Variants in DMD observed in about 807,000 individuals in gnomAD.
DMD encodes dystrophin.
In DMD, 63 loss-of-function variants were observed where a neutral mutation model predicts 330.1. The ratio of observed to expected loss-of-function variants is 0.19; its 90% CI spans 0.16 to 0.24. The LOEUF (loss-of-function observed/expected upper bound fraction) is 0.24, where lower values mean the gene tolerates loss of function less well. DMD is among the 10% of genes least tolerant of loss of function. DMD has a pLI of 1.00. For missense variants in DMD, 3,344 were observed against 2,684.1 expected (o/e 1.25, Z -5.43); for synonymous variants, 1,223 against 959.8 (o/e 1.27, Z -5.07).
chrX:33,147,989 T>C (rs2048109561), intron 1 of DMD, among the ~76,000 whole-genome samples: 1 of 111,970 alleles, frequency 8.9e-6, no homozygotes, highest in Non-Finnish European at 1.9e-5. Flanking sequence ...AACTCAAAGC[T>C]GTATTTTAAA....
chrX:31,912,327 G>T lies in DMD; in HGVS notation c.6912+17269C>A, dbSNP rs1279225663. Among the ~76,000 whole-genome samples, 3 of 111,252 alleles carry T rather than the reference G, an allele frequency of 2.7e-5. No homozygotes were observed. In the East Asian group the frequency reaches 8.5e-4, roughly 32 times the overall value. On this transcript the variant is annotated intron_variant, in intron 47 of 78. Transcript: ENST00000357033. ...CCCGACCGCACGTCGCACAACCAACGCTTCACAAGTTGAATGAATCGGGCT... is the reference window on the plus strand; with the variant it reads ...CCCGACCGCACGTCGCACAACCAACTCTTCACAAGTTGAATGAATCGGGCT...
intron 1 of DMD, among the ~76,000 whole-genome samples, chrX:33,168,452 T>C (rs1274898139): frequency 1.8e-5 from 2 of 109,444 alleles, no homozygotes; most frequent in Non-Finnish European, 1.9e-5. Flanking sequence ...AATTGAATCC[T>C]AGAAAATTCC....
chrX:32,124,862 C>T (rs983699166), intron 44 of DMD, among the ~76,000 whole-genome samples: 1 of 108,688 alleles, frequency 9.2e-6, no homozygotes, highest in Non-Finnish European at 1.9e-5. Flanking sequence ...GGCAGGAAAA[C>T]GTGAGTGTGT....
intron 40 of DMD, 65 bp downstream of exon 40, chrX:32,343,069 T>A (rs984813552): frequency 2.8e-6 from 3 of 1,056,329 alleles, no homozygotes; most frequent in Non-Finnish European, 4.0e-6. Context: ...ATTTTAAATA[T>A]GATCTTCACA....
chrX:32,335,906 A>G (rs781544565), intron 41 of DMD, among the ~76,000 whole-genome samples: 1 of 106,216 alleles, frequency 9.4e-6, no homozygotes, highest in Admixed American at 1.0e-4. Flanking sequence ...TTATACATAT[A>G]ACGTGTATAT....
chrX:32,034,501 A>G (rs113492825), intron 44 of DMD, among the ~76,000 whole-genome samples: 5 of 111,897 alleles, frequency 4.5e-5, no homozygotes, highest in African/African-American at 1.3e-4. Flanking sequence ...GCTAAAATGT[A>G]TCATTTTGAA....
chrX:31,657,657 T>C (rs1407457232), intron 54 of DMD, among the ~76,000 whole-genome samples: 1 of 112,096 alleles, frequency 8.9e-6, no homozygotes, highest in Non-Finnish European at 1.9e-5. Context: ...TAAGGCAGTG[T>C]GCGCCATGAT....
chrX:31,122,132 C>T (rs1014230558), intron 78 of DMD, among the ~76,000 whole-genome samples: 3 of 111,881 alleles, frequency 2.7e-5, no homozygotes, highest in Non-Finnish European at 5.6e-5. Context: ...AGCCATTACA[C>T]GTTGTTTGTT....
At chrX:31,414,599 C>T (rs932155120) in intron 60 of DMD, among the ~76,000 whole-genome samples, 6 of 112,030 alleles carry the variant, frequency 5.4e-5, no homozygotes, top group East Asian at 2.8e-4. Context: ...CTATTAATTA[C>T]GCCGCTATCT....
rs148572983 is a variant in DMD at position 32,488,505 on chromosome X, C to T, written c.2622+2772G>A. 1.1e-3 allele frequency among the ~76,000 whole-genome samples: 124 copies of T among 111,683 alleles called. 2 individuals carry two copies. In the East Asian group the frequency reaches 0.029, roughly 27 times the overall value. On this transcript the variant is annotated intron_variant, in intron 20 of 78. Transcript: ENST00000357033. ...AACATGTTATAATTTATTTACCTATCACTAATCTCAGCAGAACAGTATATA... is the reference window on the plus strand; with the variant it reads ...AACATGTTATAATTTATTTACCTATTACTAATCTCAGCAGAACAGTATATA...
At chrX:32,380,454 T>A (rs913887262) in intron 34 of DMD, 56 bp downstream of exon 34, 3 of 1,072,966 alleles carry the variant, frequency 2.8e-6, no homozygotes, top group Non-Finnish European at 3.9e-6. Context: ...CCTTACAAAA[T>A]CATATTATGT....
In DMD at chrX:32,401,305, C is replaced by T. The variant is rs200055649; in HGVS notation, c.4233+10447G>A. On this transcript the variant is annotated intron_variant, in intron 30 of 78. Transcript: ENST00000357033. ...ATGTGACTAACCTGCACAATGTGCA[C>T]ATGTACCCTAAAACTTAAAGTATAA... 8.4e-5 allele frequency among the ~76,000 whole-genome samples: 9 copies of T among 107,626 alleles called. No homozygotes were observed. In the East Asian group the frequency reaches 1.4e-3, roughly 17 times the overall value. The allele number at this position is 107,626 out of a possible 115,157, so 93.5% of individuals were successfully genotyped here.
intron 41 of DMD, among the ~76,000 whole-genome samples, chrX:32,318,524 T>C (rs1056072127): frequency 4.5e-5 from 5 of 111,192 alleles, no homozygotes; most frequent in African/African-American, 1.6e-4. Context: ...AGTCTAAGCA[T>C]ATTGGTTATG....
At position 32,885,682 on chromosome X, in the gene DMD, T is replaced by TC. The variant is rs1414538848; in HGVS notation, c.94-35863_94-35862insG. ...AAAGAAACTTACAATGTGTTGAAATTTCCCTATTGGAGAATTATAAAACAA... is the reference window on the plus strand; with the variant it reads ...AAAGAAACTTACAATGTGTTGAAATTCTCCCTATTGGAGAATTATAAAACAA... On this transcript the variant is annotated intron_variant, in intron 2 of 78. Transcript: ENST00000357033. Among the ~76,000 whole-genome samples the TC allele has an allele frequency of 4.5e-5, 5 of 111,066 alleles. No homozygotes were observed. The East Asian group carries it at 1.4e-3, about 31-fold the overall frequency.
intron 55 of DMD, among the ~76,000 whole-genome samples, chrX:31,536,056 G>C (rs763520175): frequency 8.9e-6 from 1 of 111,933 alleles, no homozygotes; most frequent in Non-Finnish European, 1.9e-5. Context: ...AGATTGAATA[G>C]TTATTAGATT....
chrX:31,610,539 TCAAAA>T (rs996601512), intron 55 of DMD, among the ~76,000 whole-genome samples: 7 of 111,885 alleles, frequency 6.3e-5, no homozygotes, highest in Non-Finnish European at 7.5e-5. Context: ...CCAAATCAAA[TCAAAA>T]CAAAACCTTT....
chrX:31,646,774 G>A (rs964508466), intron 54 of DMD, among the ~76,000 whole-genome samples: 5 of 112,089 alleles, frequency 4.5e-5, no homozygotes, highest in Non-Finnish European at 7.5e-5. Flanking sequence ...TCAATTCAGC[G>A]TGTCTCTAAA....
chrX:31,422,351 T>A (rs1210580992), intron 60 of DMD, among the ~76,000 whole-genome samples: 1 of 110,947 alleles, frequency 9.0e-6, no homozygotes, highest in Non-Finnish European at 1.9e-5. Flanking sequence ...TTACCTGAAT[T>A]TTCATCAATC....
At chrX:33,215,089 C>T (rs1489140957), upstream of DMD, among the ~76,000 whole-genome samples, 1 of 111,580 alleles carries the variant, frequency 9.0e-6, no homozygotes, top group Non-Finnish European at 1.9e-5. Flanking sequence ...AATTCTATTA[C>T]TTTGAGAAGT....
Sources: allele counts gnomAD v4.1 joint callset (sites outside exome capture counted in the v4.1 genomes callset), GRCh38; gene constraint gnomAD v4.1.1; transcripts MANE v1.5; gene names NCBI Gene and HGNC (gene_info 2026-07-23, HGNC 2026-07-21).